AFAP1L1: variants seen among roughly 807,000 people sequenced by gnomAD.
AFAP1L1 encodes actin filament-associated protein 1-like 1.
In AFAP1L1, 77 loss-of-function variants were observed where a neutral mutation model predicts 99.8. That is an observed-to-expected ratio of 0.77 (90% CI 0.64 to 0.93). The LOEUF is 0.93. Ranked by LOEUF, AFAP1L1 falls within the 40% of genes least tolerant of loss-of-function variation. AFAP1L1 has a pLI of 0.00. For synonymous variants in AFAP1L1, 373 were observed against 395.3 expected (o/e 0.94, Z 0.67); for missense variants, 893 against 996.8 (o/e 0.90, Z 1.40).
In AFAP1L1 at chr5:149,307,587, A is replaced by G; in HGVS notation, c.721A>G (p.Thr241Ala). 1 of 1,612,710 alleles carries G rather than the reference A, an allele frequency of 6.2e-7. No individual in the cohort carries two copies. The highest frequency in any genetic ancestry group is 2.2e-5 in the East Asian group (1 of 44,852). ...KRFGQWAKQL[T>A]VIREDQLLCY... ...TTTCGGGCAGTGGGCCAAGCAGCTG[A>G]CGGTCATCAGGGAGGACCAGCTCCT... Residue 241 changes from threonine to alanine, a missense_variant, in exon 7 of 19, where the codon ACG (threonine) becomes GCG (alanine). By Grantham distance (58) the Thr-to-Ala change is moderately conservative. Transcript: ENST00000296721.
At chr5:149,310,255 T>C (rs1393904694) in intron 8 of AFAP1L1, 120 bp downstream of exon 8, 5 of 1,290,708 alleles carry the variant, frequency 3.9e-6, no homozygotes, top group Non-Finnish European at 5.2e-6. Context: ...TGAGCCCAAG[T>C]GCCCTCTGCG....
intron 1 of AFAP1L1, among the ~76,000 whole-genome samples, chr5:149,277,297 A>T (rs368249411): frequency 6.6e-6 from 1 of 152,194 alleles, no homozygotes. Flanking sequence ...AAATAATCTG[A>T]TGCTCTTCTT....
chr5:149,332,710 C>T lies in AFAP1L1; in HGVS notation c.1991C>T (p.Ala664Val). 6.2e-7 allele frequency: 1 copy of T among 1,613,068 alleles called. No homozygotes were observed. The highest frequency in any genetic ancestry group is 8.5e-7 in the Non-Finnish European group (1 of 1,179,766). ...IRSSPGAKLK[A>V]LEEAVATLEA... ...CTTGATTCAGGAGCAAAATTAAAGG[C>T]TCTGGAAGAAGCCGTGGCCACCCTG... is the stretch of plus-strand genomic sequence containing the variant. The change falls in exon 17 of 19, where the codon GCT becomes GTT. Residue 664 changes from alanine to valine, a missense_variant. Coordinates refer to ENST00000296721, the MANE Select transcript of AFAP1L1 (RefSeq NM_152406.4).
intron 18 of AFAP1L1, among the ~76,000 whole-genome samples, chr5:149,339,628 A>G (rs540069690): frequency 1.3e-5 from 2 of 152,346 alleles, no homozygotes; most frequent in East Asian, 3.9e-4. Context: ...AATGGACAAT[A>G]GGCCAGACTT....
chr5:149,318,064 C>T, intron 12 of AFAP1L1, 124 bp downstream of exon 12: 1 of 1,143,836 alleles, frequency 8.7e-7, no homozygotes, highest in Non-Finnish European at 1.2e-6. Context: ...GGAAAGCAAG[C>T]CTCACTCCTG....
At chr5:149,286,139 G>A (rs965645791) in intron 1 of AFAP1L1, among the ~76,000 whole-genome samples, 8 of 152,204 alleles carry the variant, frequency 5.3e-5, no homozygotes, top group African/African-American at 1.9e-4. Flanking sequence ...TTTCTGGGGT[G>A]TGGGGGAGAT....
At position 149,343,143 on chromosome 5, in the gene AFAP1L1, T is replaced by G. The variant is rs1202814052; in HGVS notation, c.*3113T>G. ...TTTTCATAAGGCCAAAAAGAAAATATAAGTTATTGGTCATGACACATTTGA... is the reference window on the plus strand; with the variant it reads ...TTTTCATAAGGCCAAAAAGAAAATAGAAGTTATTGGTCATGACACATTTGA... On this transcript the variant is annotated 3_prime_UTR_variant, in exon 19 of 19. Coordinates refer to ENST00000296721, the MANE Select transcript of AFAP1L1 (RefSeq NM_152406.4). Among the ~76,000 whole-genome samples, 2 of 152,122 alleles carry G rather than the reference T, an allele frequency of 1.3e-5. No homozygotes were observed. Among genetic ancestry groups the G allele is most frequent in the Non-Finnish European group, 2.9e-5 (2 of 68,024 alleles).
intron 15 of AFAP1L1, among the ~76,000 whole-genome samples, chr5:149,327,063 C>CTCATTCCTCCTGCTATAACAAACTTCCAT (rs1554103545): frequency 6.6e-6 from 1 of 151,250 alleles, no homozygotes; most frequent in African/African-American, 2.4e-5. Flanking sequence ...CATGAAGAAG[C>CTCATTCCTCCTGCTATAACAAACTTCCAT]AGGAAAATGT....
intron 5 of AFAP1L1, 102 bp downstream of exon 5, chr5:149,302,628 A>C: frequency 9.5e-6 from 9 of 942,686 alleles, no homozygotes; most frequent in South Asian, 3.4e-5. Context: ...CAAGCCTGTC[A>C]CCCTCCCAAC....
intron 18 of AFAP1L1, 73 bp downstream of exon 18, chr5:149,335,795 CA>C (rs1210373093): frequency 1.3e-6 from 2 of 1,562,744 alleles, no homozygotes; most frequent in African/African-American, 1.4e-5. Flanking sequence ...CACCCAAAAC[CA>C]AAAAATCAAC....
At chr5:149,304,069 C>T (rs1756320362) in intron 5 of AFAP1L1, among the ~76,000 whole-genome samples, 1 of 152,232 alleles carries the variant, frequency 6.6e-6, no homozygotes, top group Non-Finnish European at 1.5e-5. Context: ...AATTCACTTT[C>T]TGTCCATATG....
At chr5:149,294,731 A>G (rs559475735) in intron 1 of AFAP1L1, among the ~76,000 whole-genome samples, 1 of 152,308 alleles carries the variant, frequency 6.6e-6, no homozygotes, top group African/African-American at 2.4e-5. Flanking sequence ...AGGTATCCCC[A>G]GATCAGGAGC....
In AFAP1L1 at chr5:149,271,939, G is replaced by C. The variant is rs1755122225; in HGVS notation, c.-30G>C. On this transcript the variant is annotated 5_prime_UTR_variant, in exon 1 of 19. Transcript: ENST00000296721. The stretch of plus-strand genomic sequence containing the variant: ...CCGCGCCGGAGCCCCTGCGCCCTGC[G>C]GCCCGCTCCCCGGGGACCGGGCCGG... 6.5e-6 allele frequency: 8 copies of C among 1,227,342 alleles called. No individual in the cohort carries two copies. The highest frequency in any genetic ancestry group is 1.6e-5 in the African/African-American group (1 of 63,996). The allele number at this position is 1,227,342 out of a possible 1,614,324, so 76.0% of individuals were successfully genotyped here.
chr5:149,283,261 C>T (rs1755575054), intron 1 of AFAP1L1, among the ~76,000 whole-genome samples: 1 of 152,178 alleles, frequency 6.6e-6, no homozygotes, highest in African/African-American at 2.4e-5. Context: ...TGTCCATTGG[C>T]TTTGCAGGGC....
chr5:149,337,653 G>T (rs1757443051), intron 18 of AFAP1L1, among the ~76,000 whole-genome samples: 1 of 152,182 alleles, frequency 6.6e-6, no homozygotes, highest in Non-Finnish European at 1.5e-5. Context: ...GACAGATGAG[G>T]TCCTGGTTTT....
chr5:149,340,253 G>T lies in AFAP1L1; in HGVS notation c.*223G>T. Reference sequence around the variant, plus strand: ...GAGAGCATCCTTATGACTTTACAAAGGGTGGAAATGAGGATGGAGGGATAC... The same window carrying T: ...GAGAGCATCCTTATGACTTTACAAATGGTGGAAATGAGGATGGAGGGATAC... On this transcript the variant is annotated 3_prime_UTR_variant, in exon 19 of 19. Transcript: ENST00000296721. 1.9e-6 allele frequency: 1 copy of T among 535,324 alleles called. No homozygotes were observed. Among genetic ancestry groups the T allele is most frequent in the Non-Finnish European group, 3.4e-6 (1 of 296,904 alleles). 33.2% of individuals were successfully genotyped at this position (535,324 alleles called of 1,614,324 possible).
At chr5:149,314,067 G>A (rs1455497928) in intron 9 of AFAP1L1, among the ~76,000 whole-genome samples, 1 of 152,180 alleles carries the variant, frequency 6.6e-6, no homozygotes. Context: ...CACCTATGTT[G>A]AGCCTTAAGG....
intron 1 of AFAP1L1, among the ~76,000 whole-genome samples, chr5:149,286,480 A>G (rs1329918531): frequency 6.6e-6 from 1 of 152,194 alleles, no homozygotes; most frequent in Non-Finnish European, 1.5e-5. Flanking sequence ...ACATACTCCT[A>G]TTAGTGTAGC....
chr5:149,332,587 G>A (rs2270682), intron 16 of AFAP1L1, 108 bp from the exon 17 acceptor site: 384,846 of 1,203,000 alleles, frequency 0.32, 63,723 homozygotes, highest in African/African-American at 0.48. Context: ...CAAGACTGGG[G>A]GCTGGAAGGG....
Sources: gnomAD v4.1 joint callset for allele counts (sites outside exome capture counted in the v4.1 genomes callset) on GRCh38, gnomAD v4.1.1 for gene constraint, MANE v1.5 for transcripts, NCBI Gene and HGNC (gene_info 2026-07-23, HGNC 2026-07-21) for gene names.